Variants in NPAS3 observed in about 807,000 individuals in gnomAD.
The protein encoded by NPAS3 is neuronal PAS domain-containing protein 3.
A neutral mutation model predicts 73.1 loss-of-function variants in NPAS3; 14 were observed. The ratio of observed to expected loss-of-function variants is 0.19; its 90% CI spans 0.13 to 0.30. The LOEUF is 0.30. NPAS3 is among the 10% of genes least tolerant of loss of function. NPAS3 has a pLI of 1.00. For missense variants in NPAS3, 1,096 were observed against 1,250.0 expected (o/e 0.88, Z 1.86); for synonymous variants, 620 against 541.5 (o/e 1.14, Z -2.01).
chr14:32,993,847 G>A (rs545200121), intron 1 of NPAS3, among the ~76,000 whole-genome samples: 1 of 152,310 alleles, frequency 6.6e-6, no homozygotes, highest in East Asian at 1.9e-4. Flanking sequence ...TGGTTCTGTA[G>A]ATATAGTCAA....
At chr14:33,480,853 G>C (rs1415506669) in intron 4 of NPAS3, among the ~76,000 whole-genome samples, 1 of 151,950 alleles carries the variant, frequency 6.6e-6, no homozygotes, top group Non-Finnish European at 1.5e-5. Flanking sequence ...TGCTTATACT[G>C]AGTAAGGATT....
intron 1 of NPAS3, among the ~76,000 whole-genome samples, chr14:32,976,835 A>G (rs982820068): frequency 6.6e-6 from 1 of 152,204 alleles, no homozygotes; most frequent in Admixed American, 6.5e-5. Context: ...AATCAGAAGA[A>G]TCAAGGTAAC....
intron 5 of NPAS3, among the ~76,000 whole-genome samples, chr14:33,670,384 G>T (rs1467394376): frequency 6.6e-6 from 1 of 152,056 alleles, no homozygotes; most frequent in Non-Finnish European, 1.5e-5. Flanking sequence ...ATGCTTTTAT[G>T]TGCTTTTCTT....
At chr14:33,670,689 C>A (rs2059587139) in intron 5 of NPAS3, among the ~76,000 whole-genome samples, 1 of 151,750 alleles carries the variant, frequency 6.6e-6, no homozygotes, top group Non-Finnish European at 1.5e-5. Flanking sequence ...CTGATCCTGG[C>A]TCAGGATTTT....
intron 5 of NPAS3, among the ~76,000 whole-genome samples, chr14:33,662,869 C>CTTT (rs550747845): frequency 8.1e-4 from 73 of 89,854 alleles, no homozygotes; most frequent in Middle Eastern, 8.6e-3. Context: ...TGGGGTTTTC[C>CTTT]TTTTTTTTTT....
In NPAS3 at chr14:33,403,474, G is replaced by A. The variant is rs547078844; in HGVS notation, c.468+36206G>A. 5.9e-5 allele frequency among the ~76,000 whole-genome samples: 9 copies of A among 152,184 alleles called. No individual in the cohort carries two copies. The South Asian group carries it at 1.7e-3, about 28-fold the overall frequency. On this transcript the variant is annotated intron_variant, in intron 4 of 11. Transcript: ENST00000356141. ...TTCACTTAGACGAGCAGGAACACCT[G>A]CTTCTATTATTCCTTCACTGATAAA...
intron 2 of NPAS3, among the ~76,000 whole-genome samples, chr14:33,143,581 G>A (rs952963616): frequency 1.1e-4 from 17 of 151,984 alleles, no homozygotes; most frequent in Admixed American, 2.0e-4. Context: ...TGTATAAAAC[G>A]TAAAATTAAC....
chr14:33,760,963 G>A (rs2062266386), intron 7 of NPAS3, among the ~76,000 whole-genome samples: 1 of 152,134 alleles, frequency 6.6e-6, no homozygotes, highest in Admixed American at 6.5e-5. Flanking sequence ...CAGTTCCAGG[G>A]AAAGTGCATT....
intron 2 of NPAS3, among the ~76,000 whole-genome samples, chr14:33,084,019 T>G (rs2041944535): frequency 6.6e-6 from 1 of 152,198 alleles, no homozygotes; most frequent in African/African-American, 2.4e-5. Context: ...TTTGGAAATT[T>G]GATGTTTCCG....
intron 2 of NPAS3, among the ~76,000 whole-genome samples, chr14:33,102,630 C>T (rs2042609325): frequency 6.6e-6 from 1 of 152,054 alleles, no homozygotes; most frequent in South Asian, 2.1e-4. Flanking sequence ...TCATGAGACC[C>T]CTGAGTAGCG....
intron 6 of NPAS3, among the ~76,000 whole-genome samples, chr14:33,727,209 G>A (rs1199259322): frequency 6.2e-5 from 2 of 32,216 alleles, no homozygotes; most frequent in Non-Finnish European, 1.3e-4. Context: ...ACCGCCCCAT[G>A]GATGGCCGCA....
chr14:33,230,584 A>C (rs61972688), intron 3 of NPAS3, among the ~76,000 whole-genome samples: 1 of 152,072 alleles, frequency 6.6e-6, no homozygotes, highest in Admixed American at 6.6e-5. Context: ...GAAATCATAT[A>C]CTCCAAAATG....
At chr14:33,650,848 T>A (rs546465409) in intron 5 of NPAS3, among the ~76,000 whole-genome samples, 1 of 152,316 alleles carries the variant, frequency 6.6e-6, no homozygotes, top group African/African-American at 2.4e-5. Context: ...CTCAAAGGAC[T>A]TGGGTCCTTG....
At chr14:33,537,743 C>T (rs955339440) in intron 4 of NPAS3, among the ~76,000 whole-genome samples, 4 of 152,174 alleles carry the variant, frequency 2.6e-5, no homozygotes, top group African/African-American at 9.7e-5. Flanking sequence ...AGAGTAGGGA[C>T]CCATTTGACA....
intron 3 of NPAS3, among the ~76,000 whole-genome samples, chr14:33,332,238 C>G (rs1050486780): frequency 6.6e-6 from 1 of 152,164 alleles, no homozygotes; most frequent in Non-Finnish European, 1.5e-5. Flanking sequence ...GGTTCAGTTG[C>G]TTGGCTTGAC....
intron 7 of NPAS3, among the ~76,000 whole-genome samples, chr14:33,745,317 C>T (rs1017258056): frequency 6.6e-6 from 1 of 152,150 alleles, no homozygotes; most frequent in Admixed American, 6.5e-5. Flanking sequence ...TGTATGTTAC[C>T]GTTTGACCTT....
chr14:33,209,682 C>A (rs1452722709), intron 2 of NPAS3, among the ~76,000 whole-genome samples: 1 of 152,108 alleles, frequency 6.6e-6, no homozygotes, highest in Admixed American at 6.6e-5. Context: ...TTCTCCTAAG[C>A]AAAACAAGTA....
intron 1 of NPAS3, among the ~76,000 whole-genome samples, chr14:33,036,710 T>A (rs1052467946): frequency 1.3e-5 from 2 of 152,022 alleles, no homozygotes; most frequent in African/African-American, 4.8e-5. Context: ...TTCGTCTACT[T>A]CTAGGTTAAA....
At chr14:33,529,179 G>A (rs1393244337) in intron 4 of NPAS3, among the ~76,000 whole-genome samples, 1 of 152,080 alleles carries the variant, frequency 6.6e-6, no homozygotes, top group Non-Finnish European at 1.5e-5. Flanking sequence ...ACACTGTAGA[G>A]TCATGACAGT....
Sources: gnomAD v4.1 joint callset for allele counts (sites outside exome capture counted in the v4.1 genomes callset) on GRCh38, gnomAD v4.1.1 for gene constraint, MANE v1.5 for transcripts, NCBI Gene and HGNC (gene_info 2026-07-23, HGNC 2026-07-21) for gene names.